The following MAPKAP1 variants were observed in gnomAD, a reference collection of about 807,000 sequenced individuals.
MAPKAP1 encodes the protein MAPK associated protein 1.
MAPKAP1 carries 20 observed loss-of-function variants against 65.7 expected under a neutral mutation model. The observed-to-expected ratio is 0.30, with a 90% CI of 0.21 to 0.44. The LOEUF (loss-of-function observed/expected upper bound fraction) is 0.44, where lower values mean the gene tolerates loss of function less well. Among genes scored for constraint, MAPKAP1 ranks in the 20% least tolerant of loss-of-function variants. The probability of loss-of-function intolerance (pLI) is 1.00; values close to 1 mark genes in which losing one functional copy is unlikely to be tolerated. For synonymous variants in MAPKAP1, 222 were observed against 244.3 expected (o/e 0.91, Z 0.85); for missense variants, 423 against 648.0 (o/e 0.65, Z 3.77).
chr9:125,641,798 G>T (rs1157921205), intron 4 of MAPKAP1, among the ~76,000 whole-genome samples: 1 of 152,078 alleles, frequency 6.6e-6, no homozygotes, highest in Non-Finnish European at 1.5e-5. Flanking sequence ...TTGGGAGACC[G>T]AGGCAGGCAG....
chr9:125,577,439 G>A (rs1305925601), intron 5 of MAPKAP1, among the ~76,000 whole-genome samples: 1 of 146,552 alleles, frequency 6.8e-6, no homozygotes, highest in African/African-American at 2.5e-5. Context: ...GGGAGGTGGG[G>A]GGATCAGCCC....
At chr9:125,596,135 C>G in intron 4 of MAPKAP1, 1 of 784,516 alleles carries the variant, frequency 1.3e-6, no homozygotes, top group Non-Finnish European at 2.3e-6. Context: ...ATGGCCACGA[C>G]TCCGTGGATA....
intron 4 of MAPKAP1, among the ~76,000 whole-genome samples, chr9:125,614,935 A>C (rs1017933772): frequency 6.6e-6 from 1 of 152,170 alleles, no homozygotes; most frequent in African/African-American, 2.4e-5. Context: ...CAGCTCTGTA[A>C]AGCAAGAAAA....
chr9:125,447,562 G>A lies in MAPKAP1; in HGVS notation c.1346-2964C>T, dbSNP rs1227731666. On this transcript the variant is annotated intron_variant, in intron 10 of 11. Coordinates refer to ENST00000265960, the MANE Select transcript of MAPKAP1 (RefSeq NM_001006617.3). This position sits in a 1 kb window ranked among gnomAD's most constrained non-coding sequence, Gnocchi z 4.5. ...CATGGGGCGGACTCACTCCGCGGGC[G>A]TTTCTGCCCCGAGTTCCCCTCGCTA... 2.3e-6 allele frequency: 1 copy of A among 442,466 alleles called. No homozygotes were observed. Among genetic ancestry groups the A allele is most frequent in the Admixed American group, 2.4e-5 (1 of 41,512 alleles). 27.4% of individuals were successfully genotyped at this position (442,466 alleles called of 1,614,324 possible).
At chr9:125,464,302 T>C (rs1853605142) in intron 10 of MAPKAP1, among the ~76,000 whole-genome samples, 1 of 151,942 alleles carries the variant, frequency 6.6e-6, no homozygotes, top group Non-Finnish European at 1.5e-5. Flanking sequence ...TGGTAGTTTC[T>C]GATACGGAAA....
rs1832953380 is a variant in MAPKAP1 at position 125,622,950 on chromosome 9, G to A, written c.498+34701C>T. Among the ~76,000 whole-genome samples, 5 of 152,132 alleles carry A rather than the reference G, an allele frequency of 3.3e-5. No individual in the cohort carries two copies. In the South Asian group the frequency reaches 1.0e-3, roughly 31 times the overall value. The stretch of plus-strand genomic sequence containing the variant: ...GTCTGCCGAATGCCTGCGATTGCAG[G>A]CACGCGCCGCCACACCTGATTGGTT... On this transcript the variant is annotated intron_variant, in intron 4 of 11. Transcript: ENST00000265960.
rs576061525 is a variant in MAPKAP1 at position 125,616,709 on chromosome 9, C to T, written c.499-30982G>A. Among the ~76,000 whole-genome samples, 5 of 152,160 alleles carry T rather than the reference C, an allele frequency of 3.3e-5. No homozygotes were observed. The East Asian group carries it at 7.7e-4, about 23-fold the overall frequency. ...GTCTGATGTGGGAGCACAACACTGACGCACTGCTGGAGGGGCACACATGGG... is the reference window on the plus strand; with the variant it reads ...GTCTGATGTGGGAGCACAACACTGATGCACTGCTGGAGGGGCACACATGGG... On this transcript the variant is annotated intron_variant, in intron 4 of 11. Transcript: ENST00000265960.
chr9:125,519,019 A>C (rs1829543377), intron 7 of MAPKAP1, among the ~76,000 whole-genome samples: 1 of 152,224 alleles, frequency 6.6e-6, no homozygotes, highest in African/African-American at 2.4e-5. Context: ...TTTATTTTAA[A>C]AATTCAATTT....
Position 125,595,510 on chromosome 9 carries a change from C to A in MAPKAP1, c.499-9783G>T. ...TAAAATTAATTTCAAAATCATATAC[C>A]TGATAGTTTCCAAAGTAGGAGAAGC... On this transcript the variant is annotated intron_variant, in intron 4 of 11. Coordinates refer to ENST00000265960, the MANE Select transcript of MAPKAP1 (RefSeq NM_001006617.3). The surrounding 1 kb of genome is among the most constrained non-coding windows in gnomAD (Gnocchi z 4.0). 1.8e-6 allele frequency: 2 copies of A among 1,102,982 alleles called. No individual in the cohort carries two copies. The highest frequency in any genetic ancestry group is 2.8e-5 in the South Asian group (1 of 35,282). 68.3% of individuals were successfully genotyped at this position (1,102,982 alleles called of 1,614,324 possible). A position where few individuals can be genotyped will look rare whatever the true frequency, so the allele number is the denominator to read the frequency against.
intron 5 of MAPKAP1, among the ~76,000 whole-genome samples, chr9:125,560,142 G>A (rs1830850000): frequency 6.6e-6 from 1 of 152,068 alleles, no homozygotes; most frequent in Non-Finnish European, 1.5e-5. Flanking sequence ...CAGCATAGTA[G>A]GGAGGAAAAG....
intron 7 of MAPKAP1, among the ~76,000 whole-genome samples, chr9:125,537,199 C>A (rs1830098132): frequency 6.6e-6 from 1 of 152,182 alleles, no homozygotes; most frequent in South Asian, 2.1e-4. Flanking sequence ...GTACATTTAA[C>A]CTCTTAGAGC....
intron 4 of MAPKAP1, among the ~76,000 whole-genome samples, chr9:125,603,734 A>C (rs1234764665): frequency 6.6e-6 from 1 of 152,164 alleles, no homozygotes; most frequent in Admixed American, 6.6e-5. Flanking sequence ...TTTTAAATTA[A>C]ATTGGATTTC....
chr9:125,555,863 C>T (rs117963201), intron 6 of MAPKAP1, among the ~76,000 whole-genome samples: 3,000 of 152,250 alleles, frequency 0.02, 160 homozygotes, highest in East Asian at 0.15. Context: ...TTTTTCAGTC[C>T]AGCTGAGCAA....
chr9:125,706,506 C>A (rs747183953), intron 1 of MAPKAP1, among the ~76,000 whole-genome samples: 18 of 151,986 alleles, frequency 1.2e-4, no homozygotes, highest in Non-Finnish European at 2.5e-4. Flanking sequence ...TGACTCCTTG[C>A]CACTCCCATA....
intron 1 of MAPKAP1, among the ~76,000 whole-genome samples, chr9:125,673,550 A>G (rs921147574): frequency 3.9e-5 from 6 of 152,050 alleles, no homozygotes; most frequent in Non-Finnish European, 8.8e-5. Context: ...AAAATTTATA[A>G]TCAAAATTAC....
intron 4 of MAPKAP1, among the ~76,000 whole-genome samples, chr9:125,615,340 C>A (rs1173108194): frequency 1.3e-5 from 2 of 151,956 alleles, no homozygotes; most frequent in Non-Finnish European, 2.9e-5. Flanking sequence ...CAAATTTAAT[C>A]CAACTCTAAT....
At chr9:125,487,165 G>A (rs1231806763) in intron 8 of MAPKAP1, among the ~76,000 whole-genome samples, 6 of 152,108 alleles carry the variant, frequency 3.9e-5, no homozygotes, top group Non-Finnish European at 7.4e-5. Context: ...GCACCTCCAG[G>A]ACACTGCAGA....
chr9:125,499,790 G>A (rs936045004), intron 8 of MAPKAP1, among the ~76,000 whole-genome samples: 3 of 151,962 alleles, frequency 2.0e-5, no homozygotes, highest in Non-Finnish European at 2.9e-5. Flanking sequence ...AGCAAGCCTG[G>A]GCAACATAGC....
At chr9:125,687,710 A>C (rs534656815) in intron 1 of MAPKAP1, among the ~76,000 whole-genome samples, 4 of 152,148 alleles carry the variant, frequency 2.6e-5, no homozygotes, top group African/African-American at 9.6e-5. Flanking sequence ...ACTTGAGCCC[A>C]GGAGTTCAAG....
Sources: allele counts gnomAD v4.1 joint callset (sites outside exome capture counted in the v4.1 genomes callset), GRCh38; gene constraint gnomAD v4.1.1; non-coding constraint Gnocchi (gnomAD v3.1); transcripts MANE v1.5; gene names NCBI Gene and HGNC (gene_info 2026-07-23, HGNC 2026-07-21).